Variants in LINGO2 observed in about 807,000 individuals in gnomAD.
LINGO2 encodes leucine-rich repeat and immunoglobulin-like domain-containing nogo receptor-interacting protein 2.
LINGO2 carries 14 observed loss-of-function variants against 30.6 expected under a neutral mutation model. That is an observed-to-expected ratio of 0.46 (90% confidence interval 0.30 to 0.72). The LOEUF is 0.72. Ranked by LOEUF, LINGO2 falls within the 30% of genes least tolerant of loss-of-function variation. The pLI is 0.07. For missense variants in LINGO2, 729 were observed against 751.7 expected, an observed-to-expected ratio of 0.97 and a Z score of 0.35; for synonymous variants, 317 against 288.5, an observed-to-expected ratio of 1.10 and a Z score of -1.00.
the LINGO2 span, among the ~76,000 whole-genome samples, chr9:28,698,707 C>A: frequency 6.6e-6 from 1 of 151,780 alleles, no homozygotes; most frequent in Non-Finnish European, 1.5e-5. Context: ...TTCTCACATA[C>A]CCCTTGTCCC....
chr9:28,991,622 C>T, the LINGO2 span, among the ~76,000 whole-genome samples: 8 of 147,812 alleles, frequency 5.4e-5, no homozygotes, highest in Admixed American at 2.7e-4. Flanking sequence ...AGAGAAAGGT[C>T]GGGTTACCCA....
At chr9:28,861,172 T>C in the LINGO2 span, among the ~76,000 whole-genome samples, 2 of 87,866 alleles carry the variant, frequency 2.3e-5, no homozygotes, top group South Asian at 6.2e-4. Flanking sequence ...ATATATAAAA[T>C]ATATTTATAT....
At chr9:28,035,925 TATA>T (rs1412488129) in intron 4 of LINGO2, among the ~76,000 whole-genome samples, 1 of 151,508 alleles carries the variant, frequency 6.6e-6, no homozygotes, top group African/African-American at 2.4e-5. Context: ...CATGCGCTAA[TATA>T]ATACTGACTC....
rs58463439 is a variant in LINGO2 at position 28,530,509 on chromosome 9, G to A, written c.-364-54484C>T. Among the ~76,000 whole-genome samples the A allele has an allele frequency of 9.1e-3, 1,388 of 152,196 alleles. 33 individuals carry two copies. The highest frequency in any genetic ancestry group is 0.085 in the East Asian group (439 of 5,166). ...CTCAGAGTAAACATAACGGCCCCATGCACAGGTTGACCTAATTAACAGTAT... is the reference window on the plus strand; with the variant it reads ...CTCAGAGTAAACATAACGGCCCCATACACAGGTTGACCTAATTAACAGTAT... On this transcript the variant is annotated intron_variant, in intron 1 of 5. Coordinates refer to ENST00000379992, the Ensembl canonical transcript of LINGO2.
chr9:28,781,654 A>G, the LINGO2 span, among the ~76,000 whole-genome samples: 2 of 152,166 alleles, frequency 1.3e-5, no homozygotes, highest in Non-Finnish European at 2.9e-5. Flanking sequence ...TTACAAGAAC[A>G]CATGTTGCCA....
intron 1 of LINGO2, among the ~76,000 whole-genome samples, chr9:28,509,248 G>T (rs1374375321): frequency 6.6e-6 from 1 of 152,080 alleles, no homozygotes; most frequent in Non-Finnish European, 1.5e-5. Flanking sequence ...CGTCCAATGG[G>T]CTACCTCTGA....
the LINGO2 span, among the ~76,000 whole-genome samples, chr9:28,964,191 A>G: frequency 6.6e-6 from 1 of 152,088 alleles, no homozygotes; most frequent in African/African-American, 2.4e-5. Context: ...TTTGTGATAC[A>G]GAATATCCAG....
chr9:29,067,084 T>C, the LINGO2 span, among the ~76,000 whole-genome samples: 1 of 151,812 alleles, frequency 6.6e-6, no homozygotes, highest in Non-Finnish European at 1.5e-5. Context: ...AGAGAAAGAA[T>C]CATTGAGATA....
At chr9:28,058,126 C>G (rs1278192100) in intron 4 of LINGO2, among the ~76,000 whole-genome samples, 1 of 152,034 alleles carries the variant, frequency 6.6e-6, no homozygotes, top group African/African-American at 2.4e-5. Flanking sequence ...GATACTTACC[C>G]TTGCCAATAA....
At chr9:28,504,027 C>T (rs1320916508) in intron 1 of LINGO2, among the ~76,000 whole-genome samples, 2 of 151,650 alleles carry the variant, frequency 1.3e-5, no homozygotes, top group Non-Finnish European at 3.0e-5. Flanking sequence ...AGAATAAAAC[C>T]CCACACAGCA....
chr9:29,059,540 G>T, the LINGO2 span, among the ~76,000 whole-genome samples: 1 of 151,562 alleles, frequency 6.6e-6, no homozygotes, highest in South Asian at 2.1e-4. Context: ...ACAAATAGAC[G>T]AATGAAACAG....
At chr9:27,994,614 C>T (rs755870922) in intron 5 of LINGO2, among the ~76,000 whole-genome samples, 2 of 152,128 alleles carry the variant, frequency 1.3e-5, no homozygotes, top group African/African-American at 4.8e-5. Flanking sequence ...CCTGTCAGAA[C>T]GTAGTTCGAT....
chr9:29,067,978 G>A, the LINGO2 span, among the ~76,000 whole-genome samples: 3 of 151,730 alleles, frequency 2.0e-5, no homozygotes, highest in Admixed American at 2.0e-4. Flanking sequence ...TTATATAATA[G>A]TGATATGATA....
chr9:28,874,689 C>T, the LINGO2 span, among the ~76,000 whole-genome samples: 1 of 152,006 alleles, frequency 6.6e-6, no homozygotes. Flanking sequence ...ACATAAAACA[C>T]CTTCCAGCTC....
intron 1 of LINGO2, among the ~76,000 whole-genome samples, chr9:28,603,751 T>C (rs1182234159): frequency 1.3e-5 from 2 of 152,026 alleles, no homozygotes; most frequent in African/African-American, 4.8e-5. Context: ...CGATTTTGGA[T>C]CAGACAATCC....
intron 4 of LINGO2, among the ~76,000 whole-genome samples, chr9:28,188,492 C>G (rs759799873): frequency 8.7e-4 from 133 of 152,120 alleles, no homozygotes; most frequent in Non-Finnish European, 1.6e-3. Context: ...TGGGAAGACG[C>G]CTGAGATGAC....
intron 2 of LINGO2, among the ~76,000 whole-genome samples, chr9:28,392,528 G>C (rs1036638185): frequency 1.4e-4 from 21 of 152,162 alleles, no homozygotes; most frequent in African/African-American, 5.1e-4. Flanking sequence ...CAAGGTATGG[G>C]AGAGCAGCAG....
intron 1 of LINGO2, among the ~76,000 whole-genome samples, chr9:28,504,694 T>A (rs1344263289): frequency 6.6e-6 from 1 of 151,714 alleles, no homozygotes; most frequent in Non-Finnish European, 1.5e-5. Flanking sequence ...TATTAAAATT[T>A]TAATATTTTC....
chr9:28,148,862 C>T lies in LINGO2; in HGVS notation c.-86-136457G>A. Reference sequence around the variant, plus strand: ...CCACCTGCCCAGCTCTCCAGGCTTGCTGATGGTGGGGGAGGACATGCAGCC... The same window carrying T: ...CCACCTGCCCAGCTCTCCAGGCTTGTTGATGGTGGGGGAGGACATGCAGCC... On this transcript the variant is annotated intron_variant, in intron 4 of 5. Transcript: ENST00000379992. The surrounding 1 kb of genome is among the most constrained non-coding windows in gnomAD (Gnocchi z 5.1). The T allele has an allele frequency of 1.3e-6, 2 of 1,533,784 alleles. No homozygotes were observed. The highest frequency in any genetic ancestry group is 1.7e-6 in the Non-Finnish European group (2 of 1,146,556).
Sources: allele counts gnomAD v4.1 joint callset (sites outside exome capture counted in the v4.1 genomes callset), GRCh38; gene constraint gnomAD v4.1.1; non-coding constraint Gnocchi (gnomAD v3.1); transcripts MANE v1.5; gene names NCBI Gene and HGNC (gene_info 2026-07-23, HGNC 2026-07-21).